PREPL: variants seen among roughly 807,000 people sequenced by gnomAD.
PREPL encodes prolyl endopeptidase-like.
A neutral mutation model predicts 70.6 loss-of-function variants in PREPL; 77 were observed. That is an observed-to-expected ratio of 1.09 (90% CI 0.91 to 1.32). The LOEUF is 1.32. Among genes scored for constraint, PREPL ranks in the 40% most tolerant of loss-of-function variants. The probability of loss-of-function intolerance (pLI) is 0.00; values close to 1 mark genes in which losing one functional copy is unlikely to be tolerated. For synonymous variants in PREPL, 315 were observed against 264.8 expected (o/e 1.19, Z -1.84); for missense variants, 1,002 against 778.2 (o/e 1.29, Z -3.42).
chr2:44,358,621 A>T (rs1194006871), intron 1 of PREPL, among the ~76,000 whole-genome samples: 1 of 152,088 alleles, frequency 6.6e-6, no homozygotes, highest in East Asian at 1.9e-4. Context: ...GGACACTATT[A>T]ATAATTACAC....
chr2:44,339,482 T>C lies in PREPL; in HGVS notation c.486-119A>G, dbSNP rs1057048583. 3.6e-6 allele frequency: 5 copies of C among 1,372,736 alleles called. No individual in the cohort carries two copies. The African/African-American group carries it at 4.4e-5, about 12-fold the overall frequency. The allele number at this position is 1,372,736 out of a possible 1,614,324, so 85.0% of individuals were successfully genotyped here. On this transcript the variant is annotated intron_variant, in intron 5 of 13. Coordinates refer to ENST00000409411, the MANE Select transcript of PREPL (RefSeq NM_001171613.2). ...TTGATTTATAATGCAGATAGGAAAT[T>C]AAAATAATTCCTTAGTGAATATCAC... is the stretch of plus-strand genomic sequence containing the variant.
chr2:44,356,592 T>C (rs77801996), intron 1 of PREPL, among the ~76,000 whole-genome samples: 19 of 152,130 alleles, frequency 1.2e-4, no homozygotes, highest in African/African-American at 1.9e-4. Context: ...GCCTCAACCA[T>C]AGAGATTTTC....
chr2:44,355,194 C>G (rs1676891379), intron 1 of PREPL, among the ~76,000 whole-genome samples: 1 of 152,102 alleles, frequency 6.6e-6, no homozygotes, highest in Admixed American at 6.6e-5. Flanking sequence ...ATTTTAGAAT[C>G]CAAAGAGATG....
intron 10 of PREPL, among the ~76,000 whole-genome samples, chr2:44,326,495 G>GTT (rs374387914): frequency 4.4e-5 from 6 of 136,968 alleles, no homozygotes; most frequent in East Asian, 2.1e-4. Flanking sequence ...GCCTGGGTAG[G>GTT]TTTTTTTTTT....
rs147809586 is a variant in PREPL at position 44,320,886 on chromosome 2, C to G, written c.*470G>C. The G allele has an allele frequency of 4.0e-6, 2 of 505,798 alleles. No individual in the cohort carries two copies. The highest frequency in any genetic ancestry group is 3.5e-5 in the East Asian group (1 of 28,732). The allele number at this position is 505,798 out of a possible 1,614,324, so 31.3% of individuals were successfully genotyped here. A position where few individuals can be genotyped will look rare whatever the true frequency, so the allele number is the denominator to read the frequency against. On this transcript the variant is annotated 3_prime_UTR_variant, in exon 14 of 14. Transcript: ENST00000409411. ...GCATCAATCAGGGATGACCAGAACA[C>G]ATTAGGACCCCAGATTATTCAAAAA...
Position 44,321,023 on chromosome 2 carries a change from C to T in PREPL, c.*333G>A, listed in dbSNP as rs1366154044. 12 of 385,624 alleles carry T rather than the reference C, an allele frequency of 3.1e-5. No individual in the cohort carries two copies. The highest frequency in any genetic ancestry group is 5.7e-5 in the Non-Finnish European group (12 of 210,626). 23.9% of individuals were successfully genotyped at this position (385,624 alleles called of 1,614,324 possible). On this transcript the variant is annotated 3_prime_UTR_variant, in exon 14 of 14. Coordinates refer to ENST00000409411, the MANE Select transcript of PREPL (RefSeq NM_001171613.2). ...CTAAAAGCATTTGCTAGCAAAGAGGCAGGACACTAATTTGTAAACTGCTCA... is the reference window on the plus strand; with the variant it reads ...CTAAAAGCATTTGCTAGCAAAGAGGTAGGACACTAATTTGTAAACTGCTCA...
chr2:44,343,595 T>C, intron 4 of PREPL, 150 bp downstream of exon 4: 1 of 622,796 alleles, frequency 1.6e-6, no homozygotes, highest in East Asian at 2.7e-5. Context: ...GAAGGTCTCC[T>C]GAATAAGAGG....
intron 1 of PREPL, among the ~76,000 whole-genome samples, chr2:44,348,064 T>A (rs915404720): frequency 3.3e-5 from 5 of 151,952 alleles, no homozygotes; most frequent in African/African-American, 1.2e-4. Flanking sequence ...ATTTTCTGAA[T>A]TTTTTTTAAG....
At chr2:44,357,021 G>C (rs867161840) in intron 1 of PREPL, among the ~76,000 whole-genome samples, 1 of 152,212 alleles carries the variant, frequency 6.6e-6, no homozygotes, top group Non-Finnish European at 1.5e-5. Flanking sequence ...GCCAAGGCTG[G>C]TCTCGAATTC....
At chr2:44,331,344 A>G (rs1674062743) in intron 8 of PREPL, among the ~76,000 whole-genome samples, 1 of 152,034 alleles carries the variant, frequency 6.6e-6, no homozygotes, top group South Asian at 2.1e-4. Context: ...CCTCCTGAGT[A>G]GCTGACATTA....
At chr2:44,355,046 G>A (rs910196124) in intron 1 of PREPL, among the ~76,000 whole-genome samples, 3 of 152,180 alleles carry the variant, frequency 2.0e-5, no homozygotes, top group Non-Finnish European at 2.9e-5. Context: ...ATCAAATGCA[G>A]TAACATTTTA....
At chr2:44,345,999 G>T (rs549463674) in intron 2 of PREPL, among the ~76,000 whole-genome samples, 1 of 151,630 alleles carries the variant, frequency 6.6e-6, no homozygotes, top group Non-Finnish European at 1.5e-5. Flanking sequence ...TTTTTAAATC[G>T]GAACTGATTG....
chr2:44,332,410 G>A (rs369461152), intron 8 of PREPL, 49 bp downstream of exon 8: 146 of 1,494,796 alleles, frequency 9.8e-5, no homozygotes, highest in Non-Finnish European at 1.2e-4. Context: ...TCTGGCAAAC[G>A]GTATGCTTTC....
In PREPL at chr2:44,323,479, C is replaced by T; in HGVS notation, c.1480-68G>A. The T allele has an allele frequency of 1.5e-6, 2 of 1,298,390 alleles. 1 individual carries two copies. The highest frequency in any genetic ancestry group is 4.9e-5 in the East Asian group (2 of 40,536). The allele number at this position is 1,298,390 out of a possible 1,614,324, so 80.4% of individuals were successfully genotyped here. A position where few individuals can be genotyped will look rare whatever the true frequency, so the allele number is the denominator to read the frequency against. ...GGTAAGTGAGTTTCAGAAAAACATT[C>T]TATTTTATGAATATACATACTAATA... On this transcript the variant is annotated intron_variant, in intron 10 of 13. Transcript: ENST00000409411.
chr2:44,354,589 T>C (rs1259263278), intron 1 of PREPL, among the ~76,000 whole-genome samples: 1 of 152,128 alleles, frequency 6.6e-6, no homozygotes, highest in African/African-American at 2.4e-5. Context: ...TTTTTTTTTT[T>C]TGAGATGGAG....
chr2:44,338,306 T>A (rs1674847167), intron 7 of PREPL, 45 bp downstream of exon 7: 1 of 1,510,208 alleles, frequency 6.6e-7, no homozygotes. Context: ...CTAAACTGCA[T>A]AAATATTTTG....
intron 1 of PREPL, among the ~76,000 whole-genome samples, chr2:44,349,318 C>T (rs1676156165): frequency 6.6e-6 from 1 of 151,838 alleles, no homozygotes; most frequent in Non-Finnish European, 1.5e-5. Flanking sequence ...AAATCTTATG[C>T]CAGAAAATAA....
At chr2:44,338,620 C>T in intron 6 of PREPL, 84 bp from the exon 7 acceptor site, 1 of 1,054,784 alleles carries the variant, frequency 9.5e-7, no homozygotes, top group Non-Finnish European at 1.4e-6. Flanking sequence ...GAGAACTAGA[C>T]CATACTAGTC....
Position 44,320,489 on chromosome 2 carries a change from T to A in PREPL, c.*867A>T. 1 of 1,614,132 alleles carries A rather than the reference T, an allele frequency of 6.2e-7. No individual in the cohort carries two copies. The highest frequency in any genetic ancestry group is 8.5e-7 in the Non-Finnish European group (1 of 1,179,984). The stretch of plus-strand genomic sequence containing the variant: ...ACAAAGGCAGTAAAGTTGATACAAG[T>A]GGCATTTTTCTGGACAAGGGAGAGG... On this transcript the variant is annotated 3_prime_UTR_variant, in exon 14 of 14. Coordinates refer to ENST00000409411, the MANE Select transcript of PREPL (RefSeq NM_001171613.2).
Sources: allele counts gnomAD v4.1 joint callset (sites outside exome capture counted in the v4.1 genomes callset), GRCh38; gene constraint gnomAD v4.1.1; transcripts MANE v1.5; gene names NCBI Gene and HGNC (gene_info 2026-07-23, HGNC 2026-07-21).